The following PCYT1A variants were observed in gnomAD, a reference collection of about 807,000 sequenced individuals.
PCYT1A encodes choline-phosphate cytidylyltransferase A.
In PCYT1A, 25 loss-of-function variants were observed where a neutral mutation model predicts 43.7. The ratio of observed to expected loss-of-function variants is 0.57; its 90% CI spans 0.42 to 0.80. The LOEUF is 0.80. Ranked by LOEUF, PCYT1A falls within the 30% of genes least tolerant of loss-of-function variation. The probability of loss-of-function intolerance (pLI) is 0.00; values close to 1 mark genes in which losing one functional copy is unlikely to be tolerated. For missense variants in PCYT1A, 421 were observed against 474.2 expected (o/e 0.89, Z 1.04); for synonymous variants, 172 against 170.7 (o/e 1.01, Z -0.06).
intron 2 of PCYT1A, among the ~76,000 whole-genome samples, chr3:196,267,118 G>A (rs889110581): frequency 6.7e-6 from 1 of 149,768 alleles, no homozygotes; most frequent in African/African-American, 2.5e-5. Flanking sequence ...GGCGGAGGTT[G>A]CAGTGAGCCG....
At chr3:196,279,220 G>A (rs749898574) in intron 1 of PCYT1A, among the ~76,000 whole-genome samples, 18 of 150,400 alleles carry the variant, frequency 1.2e-4, no homozygotes, top group Non-Finnish European at 2.2e-4. Flanking sequence ...CCCAAGAGAC[G>A]GAGGCTGCAG....
In PCYT1A at chr3:196,270,048, T is replaced by C. The variant is rs898545272; in HGVS notation, c.117+367A>G. 2.2e-4 allele frequency among the ~76,000 whole-genome samples: 33 copies of C among 152,070 alleles called. 1 individual carries two copies. The highest frequency in any genetic ancestry group is 6.4e-3 in the Middle Eastern group (2 of 314). On this transcript the variant is annotated intron_variant, in intron 2 of 8. Transcript: ENST00000431016. ...GCCACCACGCCCGGCTAATTTTGTA[T>C]TTTTAGTAAAGACAGGGTTTCACCA...
At chr3:196,245,095 C>CATAAATAAATAAATAA (rs147083544) in intron 5 of PCYT1A, among the ~76,000 whole-genome samples, 1,512 of 147,910 alleles carry the variant, frequency 0.01, 7 homozygotes, top group East Asian at 0.013. Flanking sequence ...AATAAAAATA[C>CATAAATAAATAAATAA]ATAAATAAAT....
intron 3 of PCYT1A, chr3:196,251,296 G>A: frequency 5.7e-6 from 1 of 176,070 alleles, no homozygotes; most frequent in Non-Finnish European, 1.2e-5. Flanking sequence ...TGCTGAGGTT[G>A]AGGATCAGAT....
chr3:196,248,226 A>G lies in PCYT1A; in HGVS notation c.315T>C (p.Asn105=). The G allele has an allele frequency of 6.2e-7, 1 of 1,604,018 alleles. No homozygotes were observed. Among genetic ancestry groups the G allele is most frequent in the Non-Finnish European group, 8.5e-7 (1 of 1,170,764 alleles). The change falls in exon 4 of 9, where the codon AAT becomes AAC. Residue 105 remains asparagine (N), a synonymous_variant. Coordinates refer to ENST00000431016, the MANE Select transcript of PCYT1A (RefSeq NM_001312673.2). ...ALMQAKNLFP[N]TYLIVGVCSD... ...TCTTACCTCCCACAATGAGGTACGT[A>G]TTAGGGAAAAGGTTCTTCGCTTGCA...
At position 196,238,598 on chromosome 3, in the gene PCYT1A, T is replaced by G. The variant is rs905686080; in HGVS notation, c.*90A>C. ...TCTTTCCTTTGTAGCTGTCCTTAGG[T>G]TTAGTGTTGGGGTCACAATTTGGAA... On this transcript the variant is annotated 3_prime_UTR_variant, in exon 9 of 9. Coordinates refer to ENST00000431016, the MANE Select transcript of PCYT1A (RefSeq NM_001312673.2). The G allele has an allele frequency of 2.4e-5, 21 of 881,514 alleles. No homozygotes were observed. The highest frequency in any genetic ancestry group is 4.2e-5 in the South Asian group (2 of 48,090). 54.6% of individuals were successfully genotyped at this position (881,514 alleles called of 1,614,324 possible).
rs529705861 is a variant in PCYT1A at position 196,277,247 on chromosome 3, T to A, written c.-10-6706A>T. Among the ~76,000 whole-genome samples, 17 of 152,178 alleles carry A rather than the reference T, an allele frequency of 1.1e-4. No homozygotes were observed. Among genetic ancestry groups the A allele is most frequent in the African/African-American group, 3.6e-4 (15 of 41,510 alleles). ...CTCCATTTCAAAAAAATATATATAT[T>A]TTTTTCTTTACCTGCTTACACTATT... On this transcript the variant is annotated intron_variant, in intron 1 of 8. Coordinates refer to ENST00000431016, the MANE Select transcript of PCYT1A (RefSeq NM_001312673.2). The surrounding 1 kb of genome is among the most constrained non-coding windows in gnomAD (Gnocchi z 4.1).
chr3:196,250,315 G>C (rs1462576659), intron 3 of PCYT1A, among the ~76,000 whole-genome samples: 1 of 151,864 alleles, frequency 6.6e-6, no homozygotes, highest in African/African-American at 2.4e-5. Context: ...TGAGGCTGAG[G>C]ATCAGATACA....
At chr3:196,249,079 T>G (rs1034785070) in intron 3 of PCYT1A, among the ~76,000 whole-genome samples, 3 of 151,920 alleles carry the variant, frequency 2.0e-5, no homozygotes, top group African/African-American at 7.3e-5. Flanking sequence ...ACTCCTTTCT[T>G]TAGGTGTTCT....
intron 7 of PCYT1A, chr3:196,240,519 T>A (rs1412725083): frequency 1.3e-5 from 2 of 152,116 alleles, no homozygotes; most frequent in Non-Finnish European, 2.9e-5. Flanking sequence ...ACCTCATCTC[T>A]ACTAAAAATA....
Position 196,238,627 on chromosome 3 carries a change from A to C in PCYT1A, c.*61T>G. The C allele has an allele frequency of 8.6e-7, 1 of 1,166,086 alleles. No individual in the cohort carries two copies. Among genetic ancestry groups the C allele is most frequent in the South Asian group, 1.7e-5 (1 of 57,238 alleles). The allele number at this position is 1,166,086 out of a possible 1,614,324, so 72.2% of individuals were successfully genotyped here. A position where few individuals can be genotyped will look rare whatever the true frequency, so the allele number is the denominator to read the frequency against. Reference sequence around the variant, plus strand: ...GTGTTGGGGTCACAATTTGGAATTCAACAGAGAGCTTCTGAAGGTAATGGG... The same window carrying C: ...GTGTTGGGGTCACAATTTGGAATTCCACAGAGAGCTTCTGAAGGTAATGGG... On this transcript the variant is annotated 3_prime_UTR_variant, in exon 9 of 9. Coordinates refer to ENST00000431016, the MANE Select transcript of PCYT1A (RefSeq NM_001312673.2).
rs954178982 is a variant in PCYT1A at position 196,236,697 on chromosome 3, C to G, written c.*1991G>C. On this transcript the variant is annotated 3_prime_UTR_variant, in exon 9 of 9. Coordinates refer to ENST00000431016, the MANE Select transcript of PCYT1A (RefSeq NM_001312673.2). ...TTGTTTTGTTTTGGAGACAGAGTCTCGCTCTGTCACCCAGGCTGGACTGCA... is the reference window on the plus strand; with the variant it reads ...TTGTTTTGTTTTGGAGACAGAGTCTGGCTCTGTCACCCAGGCTGGACTGCA... 1.3e-5 allele frequency: 2 copies of G among 152,082 alleles called. No homozygotes were observed. Among genetic ancestry groups the G allele is most frequent in the Non-Finnish European group, 2.9e-5 (2 of 68,052 alleles). The allele number at this position is 152,082 out of a possible 1,614,324, so 9.4% of individuals were successfully genotyped here.
intron 7 of PCYT1A, chr3:196,240,061 C>T (rs1276809575): frequency 3.8e-6 from 1 of 265,366 alleles, no homozygotes. Flanking sequence ...CAGCATGGCC[C>T]GAACCTCATT....
At chr3:196,239,411 G>T in intron 8 of PCYT1A, 136 bp downstream of exon 8, 1 of 567,492 alleles carries the variant, frequency 1.8e-6, no homozygotes, top group Non-Finnish European at 3.1e-6. Context: ...GCTGGGGACA[G>T]TTGAAAGATA....
intron 2 of PCYT1A, among the ~76,000 whole-genome samples, chr3:196,265,371 A>C (rs1260005011): frequency 6.6e-6 from 1 of 152,008 alleles, no homozygotes; most frequent in Non-Finnish European, 1.5e-5. Flanking sequence ...CCAGCCTGAT[A>C]TATATTAAGA....
intron 5 of PCYT1A, among the ~76,000 whole-genome samples, chr3:196,245,950 CAAA>C (rs113177220): frequency 2.6e-4 from 28 of 106,296 alleles, no homozygotes; most frequent in Admixed American, 2.7e-4. Flanking sequence ...AACTCTGTCT[CAAA>C]AAAAAAAAAA....
At chr3:196,244,590 T>C (rs1371981046) in intron 5 of PCYT1A, among the ~76,000 whole-genome samples, 2 of 151,964 alleles carry the variant, frequency 1.3e-5, no homozygotes, top group African/African-American at 4.8e-5. Context: ...GTCTGGGAGG[T>C]GTACCCAACA....
intron 1 of PCYT1A, among the ~76,000 whole-genome samples, chr3:196,275,958 G>A (rs1249902654): frequency 3.3e-5 from 5 of 151,800 alleles, no homozygotes; most frequent in East Asian, 2.0e-4. Flanking sequence ...TTAGCCAGGC[G>A]TGGTGGCGGG....
At chr3:196,278,952 G>T (rs549538829) in intron 1 of PCYT1A, among the ~76,000 whole-genome samples, 1 of 138,248 alleles carries the variant, frequency 7.2e-6, no homozygotes, top group African/African-American at 2.8e-5. Context: ...CTGTACTCCC[G>T]CCTGGGTGAC....
Sources: allele counts gnomAD v4.1 joint callset (sites outside exome capture counted in the v4.1 genomes callset), GRCh38; gene constraint gnomAD v4.1.1; non-coding constraint Gnocchi (gnomAD v3.1); transcripts MANE v1.5; gene names NCBI Gene and HGNC (gene_info 2026-07-23, HGNC 2026-07-21).